Variants in SMYD3 observed in about 807,000 individuals in gnomAD.
The protein encoded by SMYD3 is SET and MYND domain containing 3, also known as histone-lysine N-methyltransferase SMYD3.
SMYD3 carries 36 observed loss-of-function variants against 57.7 expected under a neutral mutation model. That is an observed-to-expected ratio of 0.62 (90% CI 0.48 to 0.82). The LOEUF (loss-of-function observed/expected upper bound fraction) is 0.82. Ranked by LOEUF, SMYD3 falls within the 40% of genes least tolerant of loss-of-function variation. The probability of loss-of-function intolerance (pLI) is 0.00; values close to 1 mark genes in which losing one functional copy is unlikely to be tolerated. For synonymous variants in SMYD3, 211 were observed against 195.0 expected (o/e 1.08, Z -0.68); for missense variants, 515 against 538.8 (o/e 0.96, Z 0.44).
chr1:246,450,734 A>G (rs1033800744), intron 1 of SMYD3, among the ~76,000 whole-genome samples: 1 of 152,238 alleles, frequency 6.6e-6, no homozygotes, highest in African/African-American at 2.4e-5. Flanking sequence ...TGATTATTAA[A>G]CAAAGGAAGC....
At chr1:246,285,874 A>G (rs2064551293) in intron 5 of SMYD3, among the ~76,000 whole-genome samples, 1 of 152,214 alleles carries the variant, frequency 6.6e-6, no homozygotes, top group Non-Finnish European at 1.5e-5. Flanking sequence ...ATGGCCAGCA[A>G]ACATATGAAA....
intron 2 of SMYD3, among the ~76,000 whole-genome samples, chr1:246,344,449 G>A (rs1267819237): frequency 6.6e-6 from 1 of 152,172 alleles, no homozygotes; most frequent in Non-Finnish European, 1.5e-5. Flanking sequence ...CCTCTTAATG[G>A]ACAAGTAATA....
At chr1:246,503,547 G>A (rs2068489245) in intron 1 of SMYD3, among the ~76,000 whole-genome samples, 2 of 152,128 alleles carry the variant, frequency 1.3e-5, no homozygotes, top group African/African-American at 4.8e-5. Flanking sequence ...TCATAACAAT[G>A]GAATTTTATG....
intron 1 of SMYD3, among the ~76,000 whole-genome samples, chr1:246,437,426 G>A (rs922616687): frequency 6.6e-6 from 1 of 151,774 alleles, no homozygotes; most frequent in Non-Finnish European, 1.5e-5. Context: ...GGGTGCCCCA[G>A]GTAAGCAAGT....
At chr1:246,199,268 C>T (rs2062873186) in intron 5 of SMYD3, among the ~76,000 whole-genome samples, 1 of 152,208 alleles carries the variant, frequency 6.6e-6, no homozygotes, top group South Asian at 2.1e-4. Flanking sequence ...ACGTCTGCTA[C>T]TACTCTAAGA....
chr1:246,149,845 T>C (rs2061914213), intron 5 of SMYD3, among the ~76,000 whole-genome samples: 2 of 152,194 alleles, frequency 1.3e-5, no homozygotes, highest in Non-Finnish European at 2.9e-5. Flanking sequence ...GACACAAAAC[T>C]TGCTCATATG....
chr1:246,208,636 T>C (rs2063037481), intron 5 of SMYD3, among the ~76,000 whole-genome samples: 2 of 152,184 alleles, frequency 1.3e-5, no homozygotes, highest in Non-Finnish European at 2.9e-5. Context: ...AACATACGTC[T>C]AGAAAACTGT....
intron 5 of SMYD3, among the ~76,000 whole-genome samples, chr1:245,958,293 C>T (rs2057908525): frequency 6.6e-6 from 1 of 152,184 alleles, no homozygotes; most frequent in African/African-American, 2.4e-5. Flanking sequence ...TCTGACAATA[C>T]AATCATACAC....
chr1:245,929,093 C>T (rs1030343657), intron 6 of SMYD3, among the ~76,000 whole-genome samples: 3 of 152,216 alleles, frequency 2.0e-5, no homozygotes, highest in Non-Finnish European at 4.4e-5. Flanking sequence ...AATTAAATGA[C>T]TTGCTCAAGG....
At chr1:246,140,953 T>A (rs1442004783) in intron 5 of SMYD3, among the ~76,000 whole-genome samples, 1 of 152,214 alleles carries the variant, frequency 6.6e-6, no homozygotes, top group Admixed American at 6.5e-5. Context: ...GTGGAGTCTA[T>A]CTTCCTTGGC....
At chr1:245,962,101 T>C (rs1342872036) in intron 5 of SMYD3, among the ~76,000 whole-genome samples, 1 of 152,174 alleles carries the variant, frequency 6.6e-6, no homozygotes, top group Admixed American at 6.5e-5. Context: ...AGCCAGCAGC[T>C]GTATTTCATC....
At chr1:245,885,058 A>G (rs1008308334) in intron 8 of SMYD3, among the ~76,000 whole-genome samples, 1 of 152,092 alleles carries the variant, frequency 6.6e-6, no homozygotes, top group Non-Finnish European at 1.5e-5. Flanking sequence ...TCCTGAAGTC[A>G]GCGAGACCAC....
chr1:246,172,750 A>C (rs1417220689), intron 5 of SMYD3, among the ~76,000 whole-genome samples: 1 of 148,808 alleles, frequency 6.7e-6, no homozygotes, highest in South Asian at 2.2e-4. Flanking sequence ...TAGGCTACAC[A>C]GGCCTAGAAC....
intron 5 of SMYD3, among the ~76,000 whole-genome samples, chr1:246,067,685 G>A (rs1477033066): frequency 1.3e-5 from 2 of 152,150 alleles, no homozygotes; most frequent in African/African-American, 2.4e-5. Flanking sequence ...GCTCCTGGAC[G>A]TGAATCTAGC....
chr1:245,859,926 ATGAG>A (rs142844177), intron 9 of SMYD3, among the ~76,000 whole-genome samples: 2,010 of 152,376 alleles, frequency 0.013, 18 homozygotes, highest in Non-Finnish European at 0.022. Context: ...CAACGTAAGA[ATGAG>A]TAATATATTG....
At chr1:246,448,600 A>T (rs2067581878) in intron 1 of SMYD3, among the ~76,000 whole-genome samples, 1 of 150,658 alleles carries the variant, frequency 6.6e-6, no homozygotes, top group Non-Finnish European at 1.5e-5. Context: ...GTTACTGTCT[A>T]GCAACTAGCC....
chr1:246,072,875 A>G (rs2060483362), intron 5 of SMYD3, among the ~76,000 whole-genome samples: 1 of 152,234 alleles, frequency 6.6e-6, no homozygotes, highest in African/African-American at 2.4e-5. Flanking sequence ...TGCTTTGTGT[A>G]TAAGCATGGT....
At chr1:246,192,959 G>A (rs1044618307) in intron 5 of SMYD3, among the ~76,000 whole-genome samples, 7 of 151,798 alleles carry the variant, frequency 4.6e-5, no homozygotes, top group African/African-American at 1.4e-4. Flanking sequence ...GATAATGAAG[G>A]CTTTTAATGT....
intron 1 of SMYD3, among the ~76,000 whole-genome samples, chr1:246,439,127 TTTA>T: frequency 6.6e-6 from 1 of 151,876 alleles, no homozygotes; most frequent in East Asian, 1.9e-4. Context: ...TTCCCAATTT[TTTA>T]TTTTTATTTT....
Sources: allele counts gnomAD v4.1 joint callset (sites outside exome capture counted in the v4.1 genomes callset), GRCh38; gene constraint gnomAD v4.1.1; transcripts MANE v1.5; gene names NCBI Gene and HGNC (gene_info 2026-07-23, HGNC 2026-07-21).